The following JMJD1C variants were observed in gnomAD, a reference collection of about 807,000 sequenced individuals.
JMJD1C encodes the protein jumonji domain-containing protein 1C.
JMJD1C carries 31 observed loss-of-function variants against 245.3 expected under a neutral mutation model. The ratio of observed to expected loss-of-function variants is 0.13; its 90% confidence interval spans 0.09 to 0.17. The LOEUF (loss-of-function observed/expected upper bound fraction) is 0.17, where lower values mean the gene tolerates loss of function less well. Among genes scored for constraint, JMJD1C ranks in the 10% least tolerant of loss-of-function variants. The pLI, the probability that JMJD1C is intolerant of heterozygous loss-of-function variation, is 1.00. For missense variants in JMJD1C, 2,691 were observed against 3,000.2 expected (o/e 0.90, Z 2.41); for synonymous variants, 1,057 against 1,017.4 (o/e 1.04, Z -0.74).
chr10:63,319,128 T>G (rs564442332), intron 2 of JMJD1C, among the ~76,000 whole-genome samples: 194 of 151,836 alleles, frequency 1.3e-3, no homozygotes, highest in African/African-American at 4.4e-3. Flanking sequence ...GGTGTGGTGG[T>G]GGCCTGTAGT....
chr10:63,305,082 T>C (rs1472874351), intron 2 of JMJD1C, among the ~76,000 whole-genome samples: 2 of 152,020 alleles, frequency 1.3e-5, no homozygotes, highest in Non-Finnish European at 2.9e-5. Flanking sequence ...AAAGTTGCAG[T>C]GAGTGGCTGG....
chr10:63,419,895 TGA>T (rs1950023105), intron 1 of JMJD1C, among the ~76,000 whole-genome samples: 1 of 150,196 alleles, frequency 6.7e-6, no homozygotes, highest in South Asian at 2.1e-4. Flanking sequence ...CCCAGCACTT[TGA>T]GAGGCCAAGG....
At chr10:63,242,987 G>T (rs1851677630) in intron 3 of JMJD1C, among the ~76,000 whole-genome samples, 1 of 151,148 alleles carries the variant, frequency 6.6e-6, no homozygotes, top group Admixed American at 6.6e-5. Flanking sequence ...CAGATAGTAA[G>T]CAACAAAATT....
In JMJD1C at chr10:63,193,369, A is replaced by G. The variant is rs1845075613; in HGVS notation, c.5838T>C (p.Phe1946=). 6.2e-7 allele frequency: 1 copy of G among 1,602,736 alleles called. No individual in the cohort carries two copies. The highest frequency in any genetic ancestry group is 1.3e-5 in the African/African-American group (1 of 74,518). The part of the protein sequence containing the change: ...TNKQNLQVGN[F]PTMNGVSQVL... ...CTTGAGATACACCATTCATTGTAGGAAAATTTCCAACTTGTAAATTCTGTT... is the reference window on the plus strand; with the variant it reads ...CTTGAGATACACCATTCATTGTAGGGAAATTTCCAACTTGTAAATTCTGTT... The change falls in exon 15 of 26, where the codon TTT becomes TTC. Residue 1946 remains phenylalanine (F), a synonymous_variant. Transcript: ENST00000399262.
intron 2 of JMJD1C, among the ~76,000 whole-genome samples, chr10:63,303,307 T>C (rs1455322447): frequency 2.0e-5 from 3 of 152,112 alleles, no homozygotes; most frequent in Non-Finnish European, 4.4e-5. Context: ...GCCTTTTTTG[T>C]TGATGTTGTT....
At chr10:63,222,258 T>C (rs1251916338) in intron 3 of JMJD1C, 1 of 825,318 alleles carries the variant, frequency 1.2e-6, no homozygotes, top group Non-Finnish European at 2.2e-6. Context: ...TTACAGGATG[T>C]AACAGGGAGA....
intron 2 of JMJD1C, among the ~76,000 whole-genome samples, chr10:63,371,596 T>C (rs975366313): frequency 6.6e-6 from 1 of 152,122 alleles, no homozygotes; most frequent in African/African-American, 2.4e-5. Context: ...CTGAATACAC[T>C]TTTTAAAAAC....
At chr10:63,439,183 A>G (rs1017194070) in intron 1 of JMJD1C, among the ~76,000 whole-genome samples, 2 of 152,202 alleles carry the variant, frequency 1.3e-5, no homozygotes, top group African/African-American at 2.4e-5. Flanking sequence ...CACAGGATAA[A>G]GTATTAATGC....
At chr10:63,313,309 TTG>T (rs1028275526) in intron 2 of JMJD1C, among the ~76,000 whole-genome samples, 1 of 152,376 alleles carries the variant, frequency 6.6e-6, no homozygotes, top group Admixed American at 6.5e-5. Context: ...TAGTATTCCA[TTG>T]TGTGTGTAAG....
At chr10:63,372,871 T>C (rs572321708) in intron 2 of JMJD1C, 2 of 168,640 alleles carry the variant, frequency 1.2e-5, no homozygotes, top group Middle Eastern at 3.3e-3. Flanking sequence ...GATGGTTATA[T>C]AGGAGCACTG....
intron 2 of JMJD1C, among the ~76,000 whole-genome samples, chr10:63,296,659 G>C (rs746848996): frequency 3.3e-5 from 5 of 152,276 alleles, no homozygotes; most frequent in South Asian, 2.1e-4. Flanking sequence ...TCCACTCTGC[G>C]TAAGTCTATG....
chr10:63,283,858 TTAAAG>T (rs1857674929), intron 2 of JMJD1C, among the ~76,000 whole-genome samples: 1 of 152,068 alleles, frequency 6.6e-6, no homozygotes, highest in Non-Finnish European at 1.5e-5. Context: ...AAAAAACCAT[TTAAAG>T]TAGTCATGGA....
chr10:63,260,718 T>C (rs1181053599), intron 3 of JMJD1C, among the ~76,000 whole-genome samples: 1 of 150,914 alleles, frequency 6.6e-6, no homozygotes, highest in Non-Finnish European at 1.5e-5. Flanking sequence ...GCCTCCAAAG[T>C]AGCTGGGATT....
At chr10:63,351,035 G>T (rs1944313518) in intron 2 of JMJD1C, among the ~76,000 whole-genome samples, 1 of 150,970 alleles carries the variant, frequency 6.6e-6, no homozygotes, top group African/African-American at 2.4e-5. Flanking sequence ...ATTTGATATA[G>T]ATTCTGTTCT....
chr10:63,387,997 T>C (rs1283156333), intron 1 of JMJD1C, among the ~76,000 whole-genome samples: 1 of 152,090 alleles, frequency 6.6e-6, no homozygotes, highest in East Asian at 1.9e-4. Context: ...TAGGACATCA[T>C]AAAGCTACCA....
rs571880730 is a variant in JMJD1C at position 63,319,211 on chromosome 10, T to C, written c.334-54447A>G. 3.6e-4 allele frequency among the ~76,000 whole-genome samples: 50 copies of C among 140,202 alleles called. No homozygotes were observed. The East Asian group carries it at 0.011, about 30-fold the overall frequency. The allele number at this position is 140,202 out of a possible 152,430, so 92.0% of individuals were successfully genotyped here. On this transcript the variant is annotated intron_variant, in intron 2 of 25. Transcript: ENST00000399262. Reference sequence around the variant, plus strand: ...GGCGGAGCTTGCAGTGTGCTGAGACTGCGCCACTGCACTCCAGCCTGGGCG... The same window carrying C: ...GGCGGAGCTTGCAGTGTGCTGAGACCGCGCCACTGCACTCCAGCCTGGGCG...
intron 3 of JMJD1C, among the ~76,000 whole-genome samples, chr10:63,233,409 A>C (rs1850254904): frequency 6.6e-6 from 1 of 152,176 alleles, no homozygotes; most frequent in African/African-American, 2.4e-5. Context: ...CTTAAAAAAA[A>C]ATTTTAAACT....
chr10:63,204,113 G>T, intron 10 of JMJD1C: 2 of 936,672 alleles, frequency 2.1e-6, no homozygotes, highest in Non-Finnish European at 1.3e-6. Context: ...GCAATGTAGG[G>T]AGACTGTCTC....
At chr10:63,248,862 G>A (rs1463983517) in intron 3 of JMJD1C, among the ~76,000 whole-genome samples, 1 of 152,136 alleles carries the variant, frequency 6.6e-6, no homozygotes, top group Non-Finnish European at 1.5e-5. Flanking sequence ...TAGGAAATGT[G>A]GTATACGTAC....
Sources: gnomAD v4.1 joint callset for allele counts (sites outside exome capture counted in the v4.1 genomes callset) on GRCh38, gnomAD v4.1.1 for gene constraint, MANE v1.5 for transcripts, NCBI Gene and HGNC (gene_info 2026-07-23, HGNC 2026-07-21) for gene names.